ABCC10: variants seen among roughly 807,000 people sequenced by gnomAD.
ABCC10 encodes ATP binding cassette subfamily C member 10, also known as ATP-binding cassette sub-family C member 10.
A neutral mutation model predicts 143.2 loss-of-function variants in ABCC10; 110 were observed. The ratio of observed to expected loss-of-function variants is 0.77; its 90% CI spans 0.66 to 0.90. The LOEUF is 0.90. Among genes scored for constraint, ABCC10 ranks in the 40% least tolerant of loss-of-function variants. ABCC10 has a pLI of 0.00. For missense variants in ABCC10, 1,700 were observed against 1,900.5 expected (o/e 0.89, Z 1.96); for synonymous variants, 805 against 846.7 (o/e 0.95, Z 0.85).
rs1181881940 is a variant in ABCC10, at chr6:43,443,324, A to T, written c.2416+165A>T. On this transcript the variant is annotated intron_variant, in intron 10 of 21. Transcript: ENST00000372530. The surrounding 1 kb of genome is among the most constrained non-coding windows in gnomAD (Gnocchi z 4.2). ...AGGAACTGGGAGAACAGGAGGGAAA[A>T]GGAGTACGTTGGTAAAATGCCAGTG... 1 of 705,502 alleles carries T rather than the reference A, an allele frequency of 1.4e-6. No homozygotes were observed. Among genetic ancestry groups the T allele is most frequent in the Non-Finnish European group, 2.2e-6 (1 of 456,780 alleles). The allele number at this position is 705,502 out of a possible 1,614,324, so 43.7% of individuals were successfully genotyped here. A position where few individuals can be genotyped will look rare whatever the true frequency, so the allele number is the denominator to read the frequency against.
At position 43,427,729 on chromosome 6, in the gene ABCC10, G is replaced by T; in HGVS notation, c.-40G>T. The stretch of plus-strand genomic sequence containing the variant: ...GAGGTTCCGGATGCCTGGGGGCGGA[G>T]AAACGGGAGGGGAAAAACAGATGGC... On this transcript the variant is annotated 5_prime_UTR_variant, in exon 1 of 22. An upstream open reading frame in the 5' UTR gains an earlier in-frame stop. Transcript: ENST00000372530. 1 of 580,234 alleles carries T rather than the reference G, an allele frequency of 1.7e-6. No homozygotes were observed. The highest frequency in any genetic ancestry group is 1.9e-5 in the African/African-American group (1 of 53,584). The allele number at this position is 580,234 out of a possible 1,614,324, so 35.9% of individuals were successfully genotyped here.
chr6:43,443,085 G>T lies in ABCC10; in HGVS notation c.2342G>T (p.Cys781Phe), dbSNP rs1782654524. The change falls in exon 10 of 22, where the codon TGC (cysteine) becomes TTC (phenylalanine). Residue 781 changes from cysteine (C) to phenylalanine (F), a missense_variant. Physicochemically the swap from Cys to Phe is radical, Grantham distance 205 (BLOSUM62 -2). Transcript: ENST00000372530. The surrounding 1 kb of genome is among the most constrained non-coding windows in gnomAD (Gnocchi z 4.2). ...GMLSYTTRLL[C>F]THRTEYLERA... Reference sequence around the variant, plus strand: ...CTGAGCTACACCACACGGCTGCTCTGCACCCACCGCACTGAGTACCTGGAG... The same window carrying T: ...CTGAGCTACACCACACGGCTGCTCTTCACCCACCGCACTGAGTACCTGGAG... 2.5e-6 allele frequency: 4 copies of T among 1,612,182 alleles called. No individual in the cohort carries two copies. The highest frequency in any genetic ancestry group is 3.4e-6 in the Non-Finnish European group (4 of 1,179,966).
chr6:43,438,279 C>T, intron 7 of ABCC10: 1 of 1,230,110 alleles, frequency 8.1e-7, no homozygotes, highest in East Asian at 2.6e-5. Flanking sequence ...AGAAATGTGG[C>T]TGTGCAGAGA....
In ABCC10 at chr6:43,443,954, C is replaced by T; in HGVS notation, c.2438C>T (p.Pro813Leu). The stretch of plus-strand genomic sequence containing the variant: ...CCAGGACCTCCCTCTGAGATTCTGC[C>T]ACTGGTACAAGCTGTCCCCAAAGCC... ...IRAGPPSEIL[P>L]LVQAVPKAWA... Residue 813 changes from proline to leucine, a missense_variant, in exon 11 of 22, where the codon CCA becomes CTA. Transcript: ENST00000372530. The surrounding 1 kb of genome is among the most constrained non-coding windows in gnomAD (Gnocchi z 4.2). The T allele has an allele frequency of 1.2e-6, 2 of 1,614,090 alleles. No individual in the cohort carries two copies. The highest frequency in any genetic ancestry group is 1.7e-6 in the Non-Finnish European group (2 of 1,179,926).
chr6:43,427,988 C>T lies in ABCC10; in HGVS notation c.10C>T (p.Leu4Phe). Reference protein sequence around the residue: MERLLAQLCGSSAA... With the variant: MERFLAQLCGSSAA... ...TTCAGGTGAGGCGTCCATGGAACGA[C>T]TTCTGGCCCAGCTGTGCGGCAGCAG... The change falls in exon 2 of 22, where the codon CTT (leucine) becomes TTT (phenylalanine). Residue 4 changes from leucine (L) to phenylalanine (F), a missense_variant. Leu to Phe is a conservative substitution (Grantham distance 22). Transcript: ENST00000372530. The T allele has an allele frequency of 1.2e-6, 2 of 1,612,042 alleles. No individual in the cohort carries two copies. The highest frequency in any genetic ancestry group is 2.2e-5 in the South Asian group (2 of 90,898).
chr6:43,445,492 C>A, intron 14 of ABCC10, 107 bp from the exon 15 acceptor site: 1 of 1,394,122 alleles, frequency 7.2e-7, no homozygotes. Context: ...TAGTCCTTCC[C>A]TATTCTCTAT....
At position 43,441,108 on chromosome 6, in the gene ABCC10, C is replaced by A. The variant is rs1782405692; in HGVS notation, c.2128-754C>A. 3.4e-5 allele frequency among the ~76,000 whole-genome samples: 5 copies of A among 147,370 alleles called. No individual in the cohort carries two copies. In the South Asian group the frequency reaches 8.6e-4, roughly 25 times the overall value. On this transcript the variant is annotated intron_variant, in intron 8 of 21. Transcript: ENST00000372530. ...ACAGAGCAAGACTCTGTCTCACACA[C>A]ACAAAAAAGTAAAAACCTATAAAAG...
intron 2 of ABCC10, among the ~76,000 whole-genome samples, chr6:43,428,712 G>A (rs997717004): frequency 6.6e-6 from 1 of 152,204 alleles, no homozygotes; most frequent in East Asian, 1.9e-4. Context: ...TTTAGTTCTT[G>A]TATGGCTAGA....
chr6:43,448,182 G>A (rs185953093), intron 18 of ABCC10: 32 of 663,696 alleles, frequency 4.8e-5, no homozygotes, highest in African/African-American at 1.9e-4. Flanking sequence ...CATCTTTCTT[G>A]TACTTCCTAC....
chr6:43,436,305 A>G, intron 6 of ABCC10, 58 bp downstream of exon 6: 1 of 1,574,802 alleles, frequency 6.3e-7, no homozygotes, highest in Non-Finnish European at 8.7e-7. Flanking sequence ...ATGGGAACTC[A>G]TGTCAGAGAA....
chr6:43,444,669 A>C, intron 12 of ABCC10, 119 bp from the exon 13 acceptor site: 1 of 1,425,028 alleles, frequency 7.0e-7, no homozygotes, highest in Non-Finnish European at 9.4e-7. Context: ...TGGGGAGGCC[A>C]GGCCAGGCGG....
rs571870771 is a variant in ABCC10, at chr6:43,438,425, G to C, written c.1956-199G>C. ...ACAGCTGCTTGGCTGTAGCCAAAGA[G>C]CTATTTCTTCCCTTCTTCGCCCAGA... is the stretch of plus-strand genomic sequence containing the variant. On this transcript the variant is annotated intron_variant, in intron 7 of 21. Coordinates refer to ENST00000372530, the MANE Select transcript of ABCC10 (RefSeq NM_001198934.2). 4.2e-6 allele frequency: 6 copies of C among 1,429,260 alleles called. No homozygotes were observed. In the African/African-American group the frequency reaches 7.2e-5, roughly 17 times the overall value. The allele number at this position is 1,429,260 out of a possible 1,614,324, so 88.5% of individuals were successfully genotyped here. A position where few individuals can be genotyped will look rare whatever the true frequency, so the allele number is the denominator to read the frequency against.
chr6:43,451,842 T>C, downstream of ABCC10: 2 of 1,512,278 alleles, frequency 1.3e-6, no homozygotes, highest in Non-Finnish European at 8.9e-7. The surrounding 1 kb of genome is among the most constrained non-coding windows in gnomAD (Gnocchi z 4.4). Flanking sequence ...TGGGTCTGAC[T>C]CTCAGTCCCC....
rs1562170638 is a variant in ABCC10, at chr6:43,432,886, G to GC, written c.910dup (p.Leu304ProfsTer44). 6.2e-7 allele frequency: 1 copy of GC among 1,614,174 alleles called. No homozygotes were observed. ...TGGGGACCATGTTGGGATTCTCAGG[G>GC]CCCCTGTTGCTCTCCCTACTGGTGG... On this transcript the variant is annotated frameshift_variant, in exon 3 of 22. Transcript: ENST00000372530. LOFTEE classifies it high-confidence loss of function.
At position 43,433,111 on chromosome 6, in the gene ABCC10, T is replaced by A; in HGVS notation, c.1131T>A (p.Thr377=). 1 of 1,614,126 alleles carries A rather than the reference T, an allele frequency of 6.2e-7. No homozygotes were observed. Among genetic ancestry groups the A allele is most frequent in the Non-Finnish European group, 8.5e-7 (1 of 1,179,984 alleles). The change falls in exon 3 of 22, where the codon ACT becomes ACA. Residue 377 remains threonine (T), a synonymous_variant. Transcript: ENST00000372530. The part of the protein sequence containing the change: ...ALQLGPSRPP[T]GEALNLLGTD... ...AGCTGGGGCCCAGCCGCCCTCCTACTGGGGAGGCCCTGAACCTACTAGGCA... is the reference window on the plus strand; with the variant it reads ...AGCTGGGGCCCAGCCGCCCTCCTACAGGGGAGGCCCTGAACCTACTAGGCA...
chr6:43,441,881 A>G lies in ABCC10; in HGVS notation c.2147A>G (p.Gln716Arg), dbSNP rs770817341. The part of the protein sequence containing the change: ...DDLSILPAGD[Q>R]TEVGEKGVTL... ...CATCAGATCCTGCCTGCTGGAGACC[A>G]GACAGAGGTGGGGGAGAAGGGTGTC... The change falls in exon 9 of 22, where the codon CAG becomes CGG. Residue 716 changes from glutamine (Q) to arginine (R), a missense_variant. Transcript: ENST00000372530. 6.2e-7 allele frequency: 1 copy of G among 1,613,650 alleles called. No individual in the cohort carries two copies. The highest frequency in any genetic ancestry group is 1.1e-5 in the South Asian group (1 of 91,046).
intron 12 of ABCC10, 72 bp downstream of exon 12, chr6:43,444,425 T>C (rs1451601612): frequency 1.4e-6 from 2 of 1,480,328 alleles, no homozygotes; most frequent in Non-Finnish European, 9.0e-7. Flanking sequence ...CTTGCACTAA[T>C]CATTACAAAG....
At position 43,438,025 on chromosome 6, in the gene ABCC10, C is replaced by T. The variant is rs767201517; in HGVS notation, c.1955+12C>T. ...GGAGAGCTCCACAGGTAACCAACCT[C>T]CTATGCACCCCTGTCCTTACTTTGT... On this transcript the variant is annotated intron_variant, in intron 7 of 21. Coordinates refer to ENST00000372530, the MANE Select transcript of ABCC10 (RefSeq NM_001198934.2). 6 of 1,608,712 alleles carry T rather than the reference C, an allele frequency of 3.7e-6. No individual in the cohort carries two copies. Among genetic ancestry groups the T allele is most frequent in the Non-Finnish European group, 5.1e-6 (6 of 1,177,518 alleles).
chr6:43,438,426 C>G, intron 7 of ABCC10, 198 bp from the exon 8 acceptor site: 2 of 1,428,984 alleles, frequency 1.4e-6, no homozygotes, highest in Non-Finnish European at 1.8e-6. Flanking sequence ...AGCCAAAGAG[C>G]TATTTCTTCC....
Sources: gnomAD v4.1 joint callset for allele counts (sites outside exome capture counted in the v4.1 genomes callset) on GRCh38, gnomAD v4.1.1 for gene constraint, Gnocchi (gnomAD v3.1) non-coding constraint, MANE v1.5 for transcripts, NCBI Gene and HGNC (gene_info 2026-07-23, HGNC 2026-07-21) for gene names.